Variants in ARID4A observed in about 807,000 individuals in gnomAD.
ARID4A encodes the protein AT-rich interaction domain 4A.
In ARID4A, 39 loss-of-function variants were observed where a neutral mutation model predicts 148.6. That is an observed-to-expected ratio of 0.26 (90% CI 0.20 to 0.34). The LOEUF (loss-of-function observed/expected upper bound fraction) is 0.34. Among genes scored for constraint, ARID4A ranks in the 10% least tolerant of loss-of-function variants. The probability of loss-of-function intolerance (pLI) is 1.00; values close to 1 mark genes in which losing one functional copy is unlikely to be tolerated. For missense variants in ARID4A, 1,265 were observed against 1,449.1 expected (o/e 0.87, Z 2.06); for synonymous variants, 475 against 481.2 (o/e 0.99, Z 0.17).
chr14:58,348,851 G>T (rs1019065843), intron 15 of ARID4A, among the ~76,000 whole-genome samples: 1 of 151,740 alleles, frequency 6.6e-6, no homozygotes, highest in Non-Finnish European at 1.5e-5. Context: ...TAAAATTGTG[G>T]TAAGTACATA....
intron 22 of ARID4A, 28 bp from the exon 23 acceptor site, chr14:58,366,855 C>G (rs1351731538): frequency 1.4e-6 from 2 of 1,453,790 alleles, no homozygotes; most frequent in African/African-American, 1.5e-5. Context: ...ATTTTAAAAT[C>G]CAAATTAACT....
intron 11 of ARID4A, among the ~76,000 whole-genome samples, chr14:58,337,267 T>TATATATATATATATATAA (rs1411261595): frequency 1.5e-5 from 2 of 137,760 alleles, no homozygotes; most frequent in Non-Finnish European, 3.1e-5. Context: ...TATATATATA[T>TATATATATATATATATAA]AATTAAAACC....
chr14:58,339,149 T>TA (rs1408445292), intron 11 of ARID4A, among the ~76,000 whole-genome samples: 1 of 149,308 alleles, frequency 6.7e-6, no homozygotes, highest in Non-Finnish European at 1.5e-5. Flanking sequence ...TTATTATTAT[T>TA]TTTTTTTTAT....
intron 5 of ARID4A, among the ~76,000 whole-genome samples, chr14:58,309,074 A>T (rs1292872826): frequency 1.3e-5 from 2 of 152,154 alleles, no homozygotes; most frequent in East Asian, 1.9e-4. Flanking sequence ...CTCAGTTTTT[A>T]AAAAATCTGG....
chr14:58,305,882 A>G (rs2140136965), intron 4 of ARID4A, 140 bp from the exon 5 acceptor site: 3 of 635,378 alleles, frequency 4.7e-6, no homozygotes, highest in South Asian at 2.0e-5. Context: ...AGTACTATGA[A>G]TGATAAAGAT....
At chr14:58,357,654 T>C (rs1283863712) in intron 17 of ARID4A, among the ~76,000 whole-genome samples, 1 of 150,102 alleles carries the variant, frequency 6.7e-6, no homozygotes, top group Admixed American at 6.7e-5. Flanking sequence ...ATCGTTAGTG[T>C]TATTTTATGT....
chr14:58,334,797 A>G (rs1594915390), intron 11 of ARID4A, among the ~76,000 whole-genome samples: 2 of 151,908 alleles, frequency 1.3e-5, no homozygotes, highest in South Asian at 2.1e-4. Context: ...CTTTTCTTGC[A>G]TCTTTAACTT....
intron 23 of ARID4A, among the ~76,000 whole-genome samples, chr14:58,369,472 A>G (rs2035506606): frequency 6.6e-6 from 1 of 152,088 alleles, no homozygotes; most frequent in African/African-American, 2.4e-5. Flanking sequence ...CTAAAACTAC[A>G]AAAGTCAGCT....
chr14:58,322,662 T>G (rs1018061798), intron 7 of ARID4A, among the ~76,000 whole-genome samples: 2 of 151,952 alleles, frequency 1.3e-5, no homozygotes, highest in African/African-American at 2.4e-5. Flanking sequence ...TTGCAGGATG[T>G]CTTAAAAATG....
At position 58,328,332 on chromosome 14, in the gene ARID4A, T is replaced by G; in HGVS notation, c.662+16T>G. 2 of 1,516,086 alleles carry G rather than the reference T, an allele frequency of 1.3e-6. No individual in the cohort carries two copies. The highest frequency in any genetic ancestry group is 1.8e-6 in the Non-Finnish European group (2 of 1,093,932). The allele number at this position is 1,516,086 out of a possible 1,614,324, so 93.9% of individuals were successfully genotyped here. Reference sequence around the variant, plus strand: ...ATTCTAAATTGTGAGTAATGAATCCTTTAATGATGTTACGTGGGAGGAAAA... The same window carrying G: ...ATTCTAAATTGTGAGTAATGAATCCGTTAATGATGTTACGTGGGAGGAAAA... On this transcript the variant is annotated intron_variant, in intron 9 of 23. Coordinates refer to ENST00000355431, the MANE Select transcript of ARID4A (RefSeq NM_002892.4).
In ARID4A at chr14:58,361,016, A is replaced by T; in HGVS notation, c.2054A>T (p.Lys685Met). Residue 685 changes from lysine (K) to methionine (M), a missense_variant, in exon 19 of 24, where the codon AAG becomes ATG. This residue lies in a region of ARID4A where 666 missense variants were observed against 730.9 expected (regional missense o/e 0.91). Transcript: ENST00000355431. The part of the protein sequence containing the change: ...LSSNMPYGLS[K>M]TANSEGKSDS... ...TCAAACATGCCGTATGGCTTATCTA[A>T]GACAGCAAACAGTGAAGGAAAATCA... The T allele has an allele frequency of 1.9e-6, 3 of 1,614,046 alleles. No individual in the cohort carries two copies. Among genetic ancestry groups the T allele is most frequent in the Non-Finnish European group, 2.5e-6 (3 of 1,179,962 alleles).
At chr14:58,349,150 G>A (rs11847421) in intron 15 of ARID4A, among the ~76,000 whole-genome samples, 2,296 of 152,148 alleles carry the variant, frequency 0.015, 54 homozygotes, top group African/African-American at 0.053. Flanking sequence ...CATAATGTCT[G>A]TAAGACATTA....
At position 58,351,228 on chromosome 14, in the gene ARID4A, G is replaced by A. The variant is rs772865138; in HGVS notation, c.1560G>A (p.Gly520=). The A allele has an allele frequency of 1.2e-6, 2 of 1,612,916 alleles. No individual in the cohort carries two copies. Residue 520 remains glycine (G), a synonymous_variant, in exon 16 of 24, where the codon GGG becomes GGA. Transcript: ENST00000355431. ...AAAAAGAAAATGAGCTACTACTGGG[G>A]AGAAAAAATACACCAAAGCAAAAAG... The part of the protein sequence containing the change: ...AEKKENELLL[G]RKNTPKQKEK...
chr14:58,357,727 G>T (rs1296079643), intron 17 of ARID4A, among the ~76,000 whole-genome samples: 1 of 151,484 alleles, frequency 6.6e-6, no homozygotes, highest in Non-Finnish European at 1.5e-5. Flanking sequence ...GACATTCCTG[G>T]TCTAAAGCAA....
intron 17 of ARID4A, among the ~76,000 whole-genome samples, chr14:58,355,970 T>A (rs2034849557): frequency 6.6e-6 from 1 of 152,196 alleles, no homozygotes; most frequent in African/African-American, 2.4e-5. Flanking sequence ...ACTAGTACTC[T>A]CCTGGTTCAT....
At chr14:58,301,720 TTAAC>T (rs1176336469) in intron 3 of ARID4A, 30 bp downstream of exon 3, 13 of 1,559,398 alleles carry the variant, frequency 8.3e-6, no homozygotes, top group African/African-American at 1.4e-5. Flanking sequence ...AATAGTTTTA[TTAAC>T]TCTAGATTGA....
intron 5 of ARID4A, among the ~76,000 whole-genome samples, chr14:58,312,641 A>G (rs1268050599): frequency 1.3e-5 from 2 of 152,236 alleles, no homozygotes; most frequent in African/African-American, 4.8e-5. Flanking sequence ...ACTGCTGTAC[A>G]TGGATATAAC....
At chr14:58,303,143 G>A (rs1427537803) in intron 3 of ARID4A, among the ~76,000 whole-genome samples, 1 of 151,952 alleles carries the variant, frequency 6.6e-6, no homozygotes, top group Non-Finnish European at 1.5e-5. Flanking sequence ...AGTTAATGAA[G>A]TCCTCCTTAA....
intron 8 of ARID4A, among the ~76,000 whole-genome samples, chr14:58,327,085 G>A (rs2033257583): frequency 6.6e-6 from 1 of 152,174 alleles, no homozygotes; most frequent in South Asian, 2.1e-4. Flanking sequence ...ACACTATTCA[G>A]TATGATAACC....
Sources: gnomAD v4.1 joint callset for allele counts (sites outside exome capture counted in the v4.1 genomes callset) on GRCh38, gnomAD v4.1.1 for gene constraint, gnomAD v4.1.1 regional missense constraint, MANE v1.5 for transcripts, NCBI Gene and HGNC (gene_info 2026-07-23, HGNC 2026-07-21) for gene names.